IL31RA: variants seen among roughly 807,000 people sequenced by gnomAD.
IL31RA encodes interleukin 31 receptor A.
Under a neutral mutation model 83.7 loss-of-function variants are expected in IL31RA, and 66 were observed. The observed-to-expected ratio is 0.79, with a 90% CI of 0.65 to 0.97. The LOEUF (loss-of-function observed/expected upper bound fraction) is 0.97, where lower values mean the gene tolerates loss of function less well. IL31RA is among the 50% of genes least tolerant of loss of function. The pLI is 0.00. For synonymous variants in IL31RA, 325 were observed against 329.0 expected (o/e 0.99, Z 0.13); for missense variants, 798 against 919.4 (o/e 0.87, Z 1.71).
chr5:55,849,764 C>A (rs1394326220), upstream of IL31RA, among the ~76,000 whole-genome samples: 2 of 152,198 alleles, frequency 1.3e-5, no homozygotes, highest in South Asian at 4.1e-4. Flanking sequence ...CTTGGGATCT[C>A]CCTTGGCCAC....
intron 12 of IL31RA, among the ~76,000 whole-genome samples, chr5:55,911,176 G>T (rs551528725): frequency 2.4e-4 from 32 of 135,902 alleles, no homozygotes; most frequent in Non-Finnish European, 3.6e-4. Context: ...AAGGTGAAAT[G>T]CACATCTTAC....
intron 4 of IL31RA, among the ~76,000 whole-genome samples, chr5:55,878,565 T>TA (rs1441393992): frequency 1.5e-4 from 23 of 152,242 alleles, no homozygotes; most frequent in Admixed American, 7.2e-4. Context: ...GGTGAAAACT[T>TA]AAAGTCTTCT....
intron 2 of IL31RA, among the ~76,000 whole-genome samples, chr5:55,861,254 G>A (rs1297887644): frequency 1.3e-5 from 2 of 152,128 alleles, no homozygotes; most frequent in Admixed American, 1.3e-4. Context: ...GCCCCTTGGG[G>A]TTACACCTGT....
intron 2 of IL31RA, among the ~76,000 whole-genome samples, chr5:55,867,233 T>TTG (rs35642963): frequency 9.2e-6 from 1 of 108,994 alleles, no homozygotes; most frequent in African/African-American, 4.3e-5. Flanking sequence ...GTGTGTGTGT[T>TTG]TGTGTGTGTG....
the IL31RA span, chr5:55,839,876 C>A: frequency 1.4e-6 from 1 of 734,812 alleles, no homozygotes; most frequent in South Asian, 1.5e-5. Context: ...ACCCAGCCTG[C>A]CTTCTCTGTT....
At chr5:55,882,633 G>A (rs1747311986) in intron 4 of IL31RA, among the ~76,000 whole-genome samples, 1 of 152,206 alleles carries the variant, frequency 6.6e-6, no homozygotes, top group Non-Finnish European at 1.5e-5. Flanking sequence ...TTTGCAGTGT[G>A]CAAGGAAAAT....
At chr5:55,895,739 C>T (rs1408070514) in intron 6 of IL31RA, among the ~76,000 whole-genome samples, 2 of 152,260 alleles carry the variant, frequency 1.3e-5, no homozygotes, top group East Asian at 3.9e-4. Flanking sequence ...AAAATAGTTT[C>T]CCTTCATATG....
chr5:55,848,360 C>T (rs990992338), upstream of IL31RA, among the ~76,000 whole-genome samples: 1 of 152,078 alleles, frequency 6.6e-6, no homozygotes, highest in African/African-American at 2.4e-5. Flanking sequence ...GAATTATAAT[C>T]CAGTATACAT....
chr5:55,890,379 T>G (rs1000193134), intron 6 of IL31RA, among the ~76,000 whole-genome samples: 50 of 152,194 alleles, frequency 3.3e-4, no homozygotes, highest in Admixed American at 3.2e-3. Flanking sequence ...TTTGTTTTGT[T>G]TTGTTTTTGA....
At chr5:55,845,365 A>T in the IL31RA span, among the ~76,000 whole-genome samples, 1 of 152,090 alleles carries the variant, frequency 6.6e-6, no homozygotes, top group Non-Finnish European at 1.5e-5. Flanking sequence ...GGTGGATTTC[A>T]CTTAGGTGGT....
At chr5:55,840,205 T>C in the IL31RA span, among the ~76,000 whole-genome samples, 1 of 152,254 alleles carries the variant, frequency 6.6e-6, no homozygotes, top group Admixed American at 6.5e-5. Flanking sequence ...ACTGTTCATC[T>C]CTTTCTAACT....
intron 11 of IL31RA, 73 bp from the exon 12 acceptor site, chr5:55,910,459 A>C: frequency 6.4e-7 from 1 of 1,560,070 alleles, no homozygotes; most frequent in South Asian, 1.1e-5. Flanking sequence ...CAATGCTCTT[A>C]TTTTGGTGCT....
intron 7 of IL31RA, 113 bp downstream of exon 7, chr5:55,896,542 T>G: frequency 3.7e-6 from 2 of 543,656 alleles, no homozygotes; most frequent in Non-Finnish European, 3.3e-6. Flanking sequence ...TTCCCTTCCC[T>G]TCCCTTCCCT....
At chr5:55,907,528 G>T in intron 10 of IL31RA, 68 bp downstream of exon 10, 1 of 1,019,708 alleles carries the variant, frequency 9.8e-7, no homozygotes, top group South Asian at 1.3e-5. Context: ...CGATAAGGCT[G>T]CAAGTGCCTG....
intron 7 of IL31RA, among the ~76,000 whole-genome samples, chr5:55,898,882 G>A (rs1748629894): frequency 6.6e-6 from 1 of 151,984 alleles, no homozygotes; most frequent in Non-Finnish European, 1.5e-5. Flanking sequence ...AAATTAGTCG[G>A]GCATGGTGGT....
chr5:55,913,937 G>C (rs148913445), intron 13 of IL31RA, among the ~76,000 whole-genome samples: 1 of 152,150 alleles, frequency 6.6e-6, no homozygotes, highest in Non-Finnish European at 1.5e-5. Flanking sequence ...GCCTTCTTGC[G>C]AGCTCTGTCT....
chr5:55,902,746 T>C (rs1190363382), intron 8 of IL31RA, among the ~76,000 whole-genome samples: 2 of 152,240 alleles, frequency 1.3e-5, no homozygotes, highest in Non-Finnish European at 2.9e-5. Context: ...TTTGTAAGTA[T>C]AACTATCATT....
chr5:55,916,453 A>G (rs556497392), intron 14 of IL31RA, among the ~76,000 whole-genome samples, 191 bp from the exon 15 acceptor site: 2 of 152,192 alleles, frequency 1.3e-5, no homozygotes, highest in African/African-American at 4.8e-5. Context: ...ACTGTTTCTC[A>G]GGAAATGTGC....
rs750941186 is a variant in IL31RA at position 55,872,476 on chromosome 5, A to G, written c.454+25A>G. On this transcript the variant is annotated intron_variant, in intron 4 of 14. Transcript: ENST00000652347. ...GGTAAGTGTTATTTGATACTCTTAT[A>G]TACTCTTTATTAAATGTTTACCTCC... 2.4e-5 allele frequency: 35 copies of G among 1,446,236 alleles called. No homozygotes were observed. In the South Asian group the frequency reaches 3.2e-4, roughly 13 times the overall value. The allele number at this position is 1,446,236 out of a possible 1,614,324, so 89.6% of individuals were successfully genotyped here.
Sources: allele counts gnomAD v4.1 joint callset (sites outside exome capture counted in the v4.1 genomes callset), GRCh38; gene constraint gnomAD v4.1.1; transcripts MANE v1.5; gene names NCBI Gene and HGNC (gene_info 2026-07-23, HGNC 2026-07-21).